The following ATP9A variants were observed in gnomAD, a reference collection of about 807,000 sequenced individuals.
The protein encoded by ATP9A is probable phospholipid-transporting ATPase IIA.
ATP9A carries 52 observed loss-of-function variants against 144.1 expected under a neutral mutation model. The observed-to-expected ratio is 0.36, with a 90% confidence interval of 0.29 to 0.45. The LOEUF (loss-of-function observed/expected upper bound fraction) is 0.45. Among genes scored for constraint, ATP9A ranks in the 20% least tolerant of loss-of-function variants. ATP9A has a pLI of 1.00. For missense variants in ATP9A, 947 were observed against 1,392.7 expected, an observed-to-expected ratio of 0.68 and a Z score of 5.09; for synonymous variants, 582 against 557.4, an observed-to-expected ratio of 1.04 and a Z score of -0.62.
chr20:51,653,639 T>C (rs2077376030), intron 14 of ATP9A, among the ~76,000 whole-genome samples: 2 of 151,986 alleles, frequency 1.3e-5, no homozygotes, highest in Admixed American at 1.3e-4. Flanking sequence ...ATACAAAAAT[T>C]TGCCAGGCAT....
chr20:51,699,333 C>CAAAAAAAAAAAA (rs74175569), intron 4 of ATP9A, among the ~76,000 whole-genome samples: 1 of 70,460 alleles, frequency 1.4e-5, no homozygotes, highest in Non-Finnish European at 2.7e-5. Flanking sequence ...AACTCAATCT[C>CAAAAAAAAAAAA]AAAAAAAAAA....
chr20:51,728,809 A>T (rs1159726713), intron 2 of ATP9A, among the ~76,000 whole-genome samples: 4 of 152,122 alleles, frequency 2.6e-5, no homozygotes, highest in African/African-American at 9.7e-5. Flanking sequence ...ACTATATAAT[A>T]GATTTGTGCC....
intron 7 of ATP9A, among the ~76,000 whole-genome samples, chr20:51,693,234 G>C (rs2077555912): frequency 6.6e-6 from 1 of 152,244 alleles, no homozygotes; most frequent in Non-Finnish European, 1.5e-5. Context: ...GGCAGAAAGA[G>C]CCTCTCCGAT....
Position 51,657,031 on chromosome 20 carries a change from G to A in ATP9A, c.1413C>T (p.Pro471=), listed in dbSNP as rs150632110. Residue 471 remains proline, a synonymous_variant, in exon 14 of 28, where the codon CCC becomes CCT. Transcript: ENST00000338821. ...CAGTCACACCGTTGGACTCATACAC[G>A]GGAGTCACGTTGTGGCAGAGCGCGA... The part of the protein sequence containing the change: ...KAIALCHNVT[P]VYESNGVTDQ... 1.6e-5 allele frequency: 26 copies of A among 1,614,064 alleles called. No homozygotes were observed. Among genetic ancestry groups the A allele is most frequent in the Middle Eastern group, 1.6e-4 (1 of 6,084 alleles).
intron 1 of ATP9A, among the ~76,000 whole-genome samples, chr20:51,754,839 C>T (rs957621383): frequency 6.6e-6 from 1 of 151,308 alleles, no homozygotes; most frequent in Non-Finnish European, 1.5e-5. Flanking sequence ...ATAAGCCGGG[C>T]ATGGTGGCCC....
intron 9 of ATP9A, among the ~76,000 whole-genome samples, chr20:51,683,295 C>T (rs896798747): frequency 1.3e-5 from 2 of 151,798 alleles, no homozygotes; most frequent in Non-Finnish European, 2.9e-5. Flanking sequence ...GACGGAGTCT[C>T]GCTCTGTCGC....
rs574432274 is a variant in ATP9A, at chr20:51,759,191, T to C, written c.68+9111A>G. Among the ~76,000 whole-genome samples the C allele has an allele frequency of 7.2e-5, 11 of 152,266 alleles. No individual in the cohort carries two copies. In the East Asian group the frequency reaches 1.2e-3, roughly 16 times the overall value. On this transcript the variant is annotated intron_variant, in intron 1 of 27. Coordinates refer to ENST00000338821, the MANE Select transcript of ATP9A (RefSeq NM_006045.3). ...ATGGGCCGCTGCCAAGCTCCACTGT[T>C]CTCATCCCAGGGGGGCAAAGAGCTG...
At chr20:51,704,827 G>C (rs2077608657) in intron 4 of ATP9A, among the ~76,000 whole-genome samples, 1 of 152,112 alleles carries the variant, frequency 6.6e-6, no homozygotes. Context: ...ATCTGTACCA[G>C]GCAGTATGAA....
At position 51,599,457 on chromosome 20, in the gene ATP9A, T is replaced by C. The variant is rs1263554345; in HGVS notation, c.*1754A>G. 1 of 152,224 alleles carries C rather than the reference T, an allele frequency of 6.6e-6. No homozygotes were observed. The highest frequency in any genetic ancestry group is 2.4e-5 in the African/African-American group (1 of 41,454). 9.4% of individuals were successfully genotyped at this position (152,224 alleles called of 1,614,324 possible). Reference sequence around the variant, plus strand: ...TGGACAAAGATCCTATCCTTAACTATTCACTCAATACATCTTTTCTGCCGA... The same window carrying C: ...TGGACAAAGATCCTATCCTTAACTACTCACTCAATACATCTTTTCTGCCGA... On this transcript the variant is annotated 3_prime_UTR_variant, in exon 28 of 28. Transcript: ENST00000338821.
intron 13 of ATP9A, among the ~76,000 whole-genome samples, chr20:51,657,643 A>G (rs2077392887): frequency 6.6e-6 from 1 of 152,236 alleles, no homozygotes; most frequent in Admixed American, 6.5e-5. Flanking sequence ...TGTCCAATAG[A>G]GGCCAAAATC....
At chr20:51,647,461 G>C (rs181592268) in intron 14 of ATP9A, among the ~76,000 whole-genome samples, 4 of 152,208 alleles carry the variant, frequency 2.6e-5, no homozygotes, top group African/African-American at 4.8e-5. Flanking sequence ...TGAGGCAGGA[G>C]AATCCCTTAA....
At chr20:51,686,926 CTTTTTT>C (rs11086353) in intron 9 of ATP9A, among the ~76,000 whole-genome samples, 1 of 142,622 alleles carries the variant, frequency 7.0e-6, no homozygotes, top group Admixed American at 7.1e-5. Flanking sequence ...CAGAGGGACT[CTTTTTT>C]TTTTTTTTTA....
At chr20:51,636,483 A>C (rs1401803196) in intron 15 of ATP9A, among the ~76,000 whole-genome samples, 2 of 152,196 alleles carry the variant, frequency 1.3e-5, no homozygotes, top group Admixed American at 6.5e-5. Context: ...TTAATATCCC[A>C]CCCTAACATT....
chr20:51,728,456 G>C (rs905352103), intron 2 of ATP9A, among the ~76,000 whole-genome samples: 1 of 151,884 alleles, frequency 6.6e-6, no homozygotes, highest in African/African-American at 2.4e-5. Flanking sequence ...GTGAAACTCC[G>C]TCTCTACTAA....
chr20:51,738,437 C>T (rs576956131), intron 1 of ATP9A, among the ~76,000 whole-genome samples: 104 of 152,306 alleles, frequency 6.8e-4, no homozygotes, highest in African/African-American at 2.4e-3. Context: ...GGCGCAGTGA[C>T]TCACGCCTGT....
intron 7 of ATP9A, among the ~76,000 whole-genome samples, chr20:51,693,124 C>T (rs911181175): frequency 6.6e-6 from 1 of 152,222 alleles, no homozygotes; most frequent in African/African-American, 2.4e-5. Context: ...GCCTGCGCCC[C>T]ATCATACACA....
At chr20:51,743,396 A>ATGTTTTT (rs2077793173) in intron 1 of ATP9A, among the ~76,000 whole-genome samples, 1 of 89,856 alleles carries the variant, frequency 1.1e-5, no homozygotes, top group Non-Finnish European at 2.0e-5. Context: ...ACCGAAACTG[A>ATGTTTTT]TTTTTTTTTT....
rs370521680 is a variant in ATP9A at position 51,639,345 on chromosome 20, G to A, written c.1666C>T (p.Arg556Trp). Residue 556 changes from arginine to tryptophan, a missense_variant and splice_region_variant, in exon 15 of 28, where the codon CGG (arginine) becomes TGG (tryptophan). This residue lies in a region of ATP9A where 770 missense variants were observed against 1,047.9 expected (regional missense o/e 0.73). Coordinates refer to ENST00000338821, the MANE Select transcript of ATP9A (RefSeq NM_006045.3). ...AGCCATGAATAAAAACGACTCACCC[G>A]CACGATGATGCCCATACGTTTGCTT... Reference protein sequence around the residue: ...YESKRMGIIVRDESTGEITFY... With the variant: ...YESKRMGIIVWDESTGEITFY... 6.8e-6 allele frequency: 11 copies of A among 1,610,960 alleles called. 1 individual carries two copies. Among genetic ancestry groups the A allele is most frequent in the South Asian group, 4.4e-5 (4 of 90,562 alleles).
At chr20:51,756,463 G>GT (rs1268542697) in intron 1 of ATP9A, among the ~76,000 whole-genome samples, 2 of 151,876 alleles carry the variant, frequency 1.3e-5, no homozygotes, top group Non-Finnish European at 2.9e-5. Context: ...GCTAATTTTT[G>GT]TAATTTTAGT....
Sources: gnomAD v4.1 joint callset for allele counts (sites outside exome capture counted in the v4.1 genomes callset) on GRCh38, gnomAD v4.1.1 for gene constraint, gnomAD v4.1.1 regional missense constraint, MANE v1.5 for transcripts, NCBI Gene and HGNC (gene_info 2026-07-23, HGNC 2026-07-21) for gene names.